The following DAB1 variants were observed in gnomAD, a reference collection of about 807,000 sequenced individuals.
DAB1 encodes the protein disabled homolog 1.
Under a neutral mutation model 64.6 loss-of-function variants are expected in DAB1, and 15 were observed. The observed-to-expected ratio is 0.23, with a 90% CI of 0.16 to 0.36. The LOEUF is 0.36. Ranked by LOEUF, DAB1 falls within the 10% of genes least tolerant of loss-of-function variation. DAB1 has a pLI of 1.00. For synonymous variants in DAB1, 235 were observed against 251.9 expected, an observed-to-expected ratio of 0.93 and a Z score of 0.64; for missense variants, 596 against 706.7, an observed-to-expected ratio of 0.84 and a Z score of 1.78.
intron 7 of DAB1, among the ~76,000 whole-genome samples, chr1:57,486,583 A>G (rs1301683877): frequency 6.6e-6 from 1 of 152,206 alleles, no homozygotes; most frequent in Non-Finnish European, 1.5e-5. Context: ...CAAAGAAACA[A>G]GAGATTGTGA....
chr1:57,938,255 G>A (rs192667070), intron 5 of DAB1, among the ~76,000 whole-genome samples: 1 of 152,090 alleles, frequency 6.6e-6, no homozygotes, highest in African/African-American at 2.4e-5. Context: ...CTCAGTACAG[G>A]GTTTTAAAAG....
chr1:57,854,259 C>A (rs375518087), intron 1 of DAB1, among the ~76,000 whole-genome samples: 1 of 152,010 alleles, frequency 6.6e-6, no homozygotes. Flanking sequence ...TGAATAAATA[C>A]TACAGCCTTG....
At chr1:58,481,400 T>C (rs1286459124) in intron 3 of DAB1, among the ~76,000 whole-genome samples, 1 of 152,142 alleles carries the variant, frequency 6.6e-6, no homozygotes, top group African/African-American at 2.4e-5. Flanking sequence ...ACAACAACAA[T>C]AGTATTAATA....
In DAB1 at chr1:57,130,706, CAG is replaced by C. The variant is rs1252010277; in HGVS notation, c.306+5835_306+5836del. 3.2e-5 allele frequency among the ~76,000 whole-genome samples: 4 copies of C among 126,426 alleles called. No homozygotes were observed. In the Admixed American group the frequency reaches 3.9e-4, roughly 12 times the overall value. The allele number at this position is 126,426 out of a possible 152,430, so 82.9% of individuals were successfully genotyped here. On this transcript the variant is annotated intron_variant, in intron 4 of 14. Transcript: ENST00000371236. Reference sequence around the variant, plus strand: ...CACTTATATGCTGAATTCATAAAAGCAGAGAGTTGAATGGTGGTTATCAGAGG... The same window carrying C: ...CACTTATATGCTGAATTCATAAAAGCAGAGTTGAATGGTGGTTATCAGAGG...
chr1:57,714,341 T>G (rs1319115723), intron 6 of DAB1, among the ~76,000 whole-genome samples: 1 of 152,134 alleles, frequency 6.6e-6, no homozygotes, highest in African/African-American at 2.4e-5. Context: ...AAATCTGGGT[T>G]TTGAACCCAA....
intron 3 of DAB1, among the ~76,000 whole-genome samples, chr1:58,354,464 T>C (rs569385323): frequency 2.0e-5 from 3 of 152,310 alleles, no homozygotes; most frequent in East Asian, 3.9e-4. Flanking sequence ...AAAATGAATT[T>C]TCCAGAACAG....
At chr1:58,066,210 C>T (rs1230926121) in intron 5 of DAB1, among the ~76,000 whole-genome samples, 2 of 152,134 alleles carry the variant, frequency 1.3e-5, no homozygotes, top group Non-Finnish European at 2.9e-5. Flanking sequence ...ATCCTCAAAA[C>T]AACAAATGAA....
intron 6 of DAB1, 41 bp from the exon 7 acceptor site, chr1:57,071,102 C>T (rs2100594280): frequency 6.3e-7 from 1 of 1,575,128 alleles, no homozygotes; most frequent in Middle Eastern, 1.7e-4. Context: ...AAGCAGAGGA[C>T]ATAAAGGAAG....
At chr1:58,047,841 C>T (rs189365915) in intron 5 of DAB1, 6,140 of 244,766 alleles carry the variant, frequency 0.025, 256 homozygotes, top group African/African-American at 0.1. Context: ...ACCTGAACTA[C>T]TTTTTTTAAG....
At chr1:58,084,272 TA>T (rs1650170044) in intron 5 of DAB1, 1 of 152,088 alleles carries the variant, frequency 6.6e-6, no homozygotes, top group African/African-American at 2.4e-5. Context: ...TTATTGTTGT[TA>T]TTGTCTGTTT....
chr1:57,468,565 G>A (rs1687032923), intron 7 of DAB1, among the ~76,000 whole-genome samples: 1 of 152,156 alleles, frequency 6.6e-6, no homozygotes, highest in Non-Finnish European at 1.5e-5. Flanking sequence ...AGGTCTGGTG[G>A]CTCTGAACAG....
In DAB1 at chr1:57,616,961, G is replaced by T. The variant is rs566149179; in HGVS notation, n.625+32631C>A. On this transcript the variant is annotated intron_variant and non_coding_transcript_variant, in intron 7 of 20. Coordinates refer to the DAB1 transcript ENST00000485760. ...GTGGAGGAACCTGAGGGTACGCAAA[G>T]GAATTTTGACTTGAGTGTTTCCCTC... Among the ~76,000 whole-genome samples, 10 of 152,286 alleles carry T rather than the reference G, an allele frequency of 6.6e-5. No individual in the cohort carries two copies. The South Asian group carries it at 1.5e-3, about 22-fold the overall frequency.
At chr1:57,122,541 G>A (rs1010895373) in intron 4 of DAB1, among the ~76,000 whole-genome samples, 4 of 152,128 alleles carry the variant, frequency 2.6e-5, no homozygotes, top group Admixed American at 6.6e-5. Context: ...GGTTTAAGGT[G>A]CATTCAGTTC....
intron 5 of DAB1, among the ~76,000 whole-genome samples, chr1:57,985,676 C>T (rs902809810): frequency 6.6e-6 from 1 of 152,046 alleles, no homozygotes; most frequent in African/African-American, 2.4e-5. Context: ...TGAGTATTAG[C>T]CACACTGGAG....
chr1:57,421,909 G>GGGGGA (rs1684929271), intron 1 of DAB1, among the ~76,000 whole-genome samples: 1 of 114,998 alleles, frequency 8.7e-6, no homozygotes, highest in Non-Finnish European at 1.9e-5. Context: ...TGGCGGGGGG[G>GGGGGA]GGGGTGGCGG....
intron 1 of DAB1, among the ~76,000 whole-genome samples, chr1:58,544,774 A>G (rs1646674841): frequency 6.6e-6 from 1 of 152,184 alleles, no homozygotes; most frequent in African/African-American, 2.4e-5. Flanking sequence ...TTGTATTTTT[A>G]GTAGAGACGG....
intron 2 of DAB1, among the ~76,000 whole-genome samples, chr1:57,253,078 C>T (rs1437299686): frequency 2.0e-5 from 3 of 152,148 alleles, no homozygotes; most frequent in African/African-American, 7.2e-5. Context: ...AGGAGTGAGT[C>T]ATCTGATCCT....
At chr1:57,717,309 T>C (rs1177411611) in intron 6 of DAB1, among the ~76,000 whole-genome samples, 4 of 146,646 alleles carry the variant, frequency 2.7e-5, no homozygotes, top group South Asian at 4.4e-4. Context: ...GCCCCACAGA[T>C]ACATGAAAAA....
intron 5 of DAB1, among the ~76,000 whole-genome samples, chr1:57,071,934 C>T (rs1651504444): frequency 6.6e-6 from 1 of 151,812 alleles, no homozygotes; most frequent in Non-Finnish European, 1.5e-5. Context: ...TTATGCAAAA[C>T]AGCTATTTGT....
Sources: allele counts gnomAD v4.1 joint callset (sites outside exome capture counted in the v4.1 genomes callset), GRCh38; gene constraint gnomAD v4.1.1; transcripts MANE v1.5; gene names NCBI Gene and HGNC (gene_info 2026-07-23, HGNC 2026-07-21).